Variants in RUFY2 observed in about 807,000 individuals in gnomAD.
RUFY2 encodes RUN and FYVE domain containing 2.
A neutral mutation model predicts 94.4 loss-of-function variants in RUFY2; 49 were observed. The ratio of observed to expected loss-of-function variants is 0.52; its 90% CI spans 0.41 to 0.66. The LOEUF (loss-of-function observed/expected upper bound fraction) is 0.66, where lower values mean the gene tolerates loss of function less well. Among genes scored for constraint, RUFY2 ranks in the 30% least tolerant of loss-of-function variants. RUFY2 has a pLI of 0.00. For missense variants in RUFY2, 541 were observed against 692.8 expected (o/e 0.78, Z 2.46); for synonymous variants, 255 against 235.7 (o/e 1.08, Z -0.75).
intron 16 of RUFY2, among the ~76,000 whole-genome samples, chr10:68,348,380 G>A (rs2046428386): frequency 6.6e-6 from 1 of 151,764 alleles, no homozygotes; most frequent in African/African-American, 2.4e-5. Context: ...AGCCAAGCAT[G>A]GTGGCATGCA....
intron 12 of RUFY2, chr10:68,377,347 G>A (rs1209530223): frequency 9.3e-7 from 1 of 1,072,042 alleles, no homozygotes; most frequent in Non-Finnish European, 1.1e-6. Flanking sequence ...AAGGATTTAT[G>A]CCTACACTAG....
intron 6 of RUFY2, 40 bp from the exon 7 acceptor site, chr10:68,393,243 G>GTATT: frequency 8.9e-7 from 1 of 1,124,192 alleles, no homozygotes; most frequent in Non-Finnish European, 1.3e-6. Context: ...AGTTGAAAAG[G>GTATT]TATTTATTAA....
chr10:68,356,001 T>C (rs1002414262), intron 15 of RUFY2, among the ~76,000 whole-genome samples: 1 of 152,148 alleles, frequency 6.6e-6, no homozygotes, highest in South Asian at 2.1e-4. Flanking sequence ...GTAGGTTTAC[T>C]ATGTGCCTTT....
chr10:68,346,081 G>T lies in RUFY2; in HGVS notation c.1603C>A (p.Leu535Met), dbSNP rs372243741. Residue 535 changes from leucine to methionine, a missense_variant, in exon 17 of 18, where the codon CTG becomes ATG. Leu to Met is a conservative substitution (Grantham distance 15). This residue lies in a region of RUFY2 where 403 missense variants were observed against 480.7 expected (regional missense o/e 0.84). Transcript: ENST00000602465. ...GCTTCTTTGTCTTTCAGCCAAACCAGTCCCTAGTAGGAAGAAAATATTAAT... is the reference window on the plus strand; with the variant it reads ...GCTTCTTTGTCTTTCAGCCAAACCATTCCCTAGTAGGAAGAAAATATTAAT... ...IKEANKALQG[L>M]VWLKDKEATH... is the part of the protein sequence containing the mutation. 1.3e-5 allele frequency: 21 copies of T among 1,608,206 alleles called. No homozygotes were observed. Among genetic ancestry groups the T allele is most frequent in the Middle Eastern group, 1.7e-4 (1 of 6,042 alleles).
At chr10:68,363,142 C>A (rs781560255) in intron 15 of RUFY2, among the ~76,000 whole-genome samples, 1 of 152,076 alleles carries the variant, frequency 6.6e-6, no homozygotes, top group Non-Finnish European at 1.5e-5. Flanking sequence ...TCTCTCTAGT[C>A]TAGTCTCATT....
At chr10:68,389,800 A>C (rs10998105) in intron 7 of RUFY2, among the ~76,000 whole-genome samples, 8,559 of 152,170 alleles carry the variant, frequency 0.056, 499 homozygotes, top group South Asian at 0.19. Flanking sequence ...GTCTCAAAAA[A>C]AAAAGTGAAA....
In RUFY2 at chr10:68,376,489, T is replaced by TATATTTTC. The variant is rs58358117; in HGVS notation, c.1325+363_1325+364insGAAAATAT. On this transcript the variant is annotated intron_variant, in intron 13 of 17. Transcript: ENST00000602465. The stretch of plus-strand genomic sequence containing the variant: ...ATATATATATATATATATATATATA[T>TATATTTTC]ATTCTCAGAAAACAGCATGTCCTTT... Among the ~76,000 whole-genome samples the TATATTTTC allele has an allele frequency of 5.8e-5, 3 of 51,816 alleles. 1 individual carries two copies. Among genetic ancestry groups the TATATTTTC allele is most frequent in the South Asian group, 1.3e-3 (2 of 1,486 alleles). The allele number at this position is 51,816 out of a possible 152,430, so 34.0% of individuals were successfully genotyped here. A position where few individuals can be genotyped will look rare whatever the true frequency, so the allele number is the denominator to read the frequency against.
chr10:68,364,133 A>G lies in RUFY2; in HGVS notation c.1326-20T>C. ...TGCACCCTTGAATGACAAATAACACACAGAAGCTCAGTGCTATTTCTCACA... is the reference window on the plus strand; with the variant it reads ...TGCACCCTTGAATGACAAATAACACGCAGAAGCTCAGTGCTATTTCTCACA... On this transcript the variant is annotated intron_variant, in intron 13 of 17. Transcript: ENST00000602465. The G allele has an allele frequency of 1.2e-6, 2 of 1,604,110 alleles. No individual in the cohort carries two copies. Among genetic ancestry groups the G allele is most frequent in the Admixed American group, 3.4e-5 (2 of 59,244 alleles).
intron 8 of RUFY2, among the ~76,000 whole-genome samples, chr10:68,385,263 C>CA (rs879508697): frequency 0.016 from 1,918 of 121,542 alleles, 31 homozygotes; most frequent in African/African-American, 0.046. Flanking sequence ...GACTCCATCT[C>CA]AAAAAAAAAA....
chr10:68,342,174 AAT>A (rs2046008324), downstream of RUFY2: 2 of 659,552 alleles, frequency 3.0e-6, no homozygotes, highest in Non-Finnish European at 2.5e-6. Flanking sequence ...GTGTTTTCAA[AAT>A]ATTATTTGGT....
chr10:68,372,852 G>A (rs1404137284), intron 13 of RUFY2, among the ~76,000 whole-genome samples: 2 of 151,738 alleles, frequency 1.3e-5, no homozygotes, highest in Non-Finnish European at 2.9e-5. Context: ...AGGCTGCAGT[G>A]AGCTGTGGTC....
chr10:68,376,489 T>TC (rs374478625), intron 13 of RUFY2, among the ~76,000 whole-genome samples: 7,380 of 51,816 alleles, frequency 0.14, 1,702 homozygotes, highest in East Asian at 0.37. Flanking sequence ...TATATATATA[T>TC]ATTCTCAGAA....
rs578046205 is a variant in RUFY2 at position 68,361,254 on chromosome 10, G to C, written c.1550+2336C>G. ...AGATAGCACCACTGCACTCCAGCCTGGGCAACAAGAGCGAAACTTCCTCTC... is the reference window on the plus strand; with the variant it reads ...AGATAGCACCACTGCACTCCAGCCTCGGCAACAAGAGCGAAACTTCCTCTC... On this transcript the variant is annotated intron_variant, in intron 15 of 17. Transcript: ENST00000602465. Among the ~76,000 whole-genome samples, 3 of 152,206 alleles carry C rather than the reference G, an allele frequency of 2.0e-5. No homozygotes were observed. The East Asian group carries it at 5.8e-4, about 29-fold the overall frequency.
chr10:68,390,996 G>A (rs1024566913), intron 7 of RUFY2, among the ~76,000 whole-genome samples: 5 of 148,724 alleles, frequency 3.4e-5, no homozygotes, highest in African/African-American at 1.2e-4. Flanking sequence ...GTGCAATGGC[G>A]TGATCTCGGC....
Position 68,393,200 on chromosome 10 carries a change from A to C in RUFY2, c.588T>G (p.Asn196Lys). 1 of 1,553,186 alleles carries C rather than the reference A, an allele frequency of 6.4e-7. No individual in the cohort carries two copies. ...GGTCTAATATGGCAGCAATTTGAAC[A>C]TTCCTAAATGAGGAAAAAAGTAGCT... The part of the protein sequence containing the change: ...NEEDIGNKER[N>K]VQIAAILDQK... Residue 196 changes from asparagine to lysine, a missense_variant, in exon 7 of 18, where the codon AAT (asparagine) becomes AAG (lysine). Coordinates refer to ENST00000602465, the MANE Select transcript of RUFY2 (RefSeq NM_001330103.2).
intron 11 of RUFY2, among the ~76,000 whole-genome samples, chr10:68,379,892 C>T (rs1160874589): frequency 6.6e-6 from 1 of 151,522 alleles, no homozygotes; most frequent in Non-Finnish European, 1.5e-5. Context: ...ACTGCAAGCT[C>T]CGCCTCTCAG....
At chr10:68,346,781 CTG>C (rs1207310811) in intron 16 of RUFY2, 1 of 152,138 alleles carries the variant, frequency 6.6e-6, no homozygotes, top group Non-Finnish European at 1.5e-5. Context: ...TAAATTCTCA[CTG>C]TGTAAAATGC....
intron 3 of RUFY2, among the ~76,000 whole-genome samples, chr10:68,399,389 C>A (rs965228625): frequency 3.9e-5 from 6 of 152,074 alleles, no homozygotes; most frequent in Admixed American, 6.6e-5. Flanking sequence ...CCTGCCTCTG[C>A]CACTTTTTAA....
At chr10:68,406,206 C>CTAG (rs1554898827) in intron 1 of RUFY2, among the ~76,000 whole-genome samples, 1 of 151,990 alleles carries the variant, frequency 6.6e-6, no homozygotes, top group African/African-American at 2.4e-5. Context: ...CTCCAATGAT[C>CTAG]TAGTATTCCA....
Sources: gnomAD v4.1 joint callset for allele counts (sites outside exome capture counted in the v4.1 genomes callset) on GRCh38, gnomAD v4.1.1 for gene constraint, gnomAD v4.1.1 regional missense constraint, MANE v1.5 for transcripts, NCBI Gene and HGNC (gene_info 2026-07-23, HGNC 2026-07-21) for gene names.